Variants in NAALADL2 observed in about 807,000 individuals in gnomAD.
NAALADL2 encodes N-acetylated alpha-linked acidic dipeptidase like 2, also known as inactive N-acetylated-alpha-linked acidic dipeptidase-like protein 2.
NAALADL2 carries 76 observed loss-of-function variants against 87.2 expected under a neutral mutation model. That is an observed-to-expected ratio of 0.87 (90% CI 0.72 to 1.05). The LOEUF (loss-of-function observed/expected upper bound fraction) is 1.05. Ranked by LOEUF, NAALADL2 falls within the 50% of genes least tolerant of loss-of-function variation. The probability of loss-of-function intolerance (pLI) is 0.00; values close to 1 mark genes in which losing one functional copy is unlikely to be tolerated. For synonymous variants in NAALADL2, 354 were observed against 331.0 expected, an observed-to-expected ratio of 1.07 and a Z score of -0.75; for missense variants, 1,089 against 945.8, an observed-to-expected ratio of 1.15 and a Z score of -1.99.
Position 174,657,954 on chromosome 3 carries a change from A to T in NAALADL2, c.-114-79687A>T, listed in dbSNP as rs1393569903. ...TTTCCTCCATGTATTTTCATAGCTC[A>T]TTTCTTTTTAACGCCATCTAATTCA... On this transcript the variant is annotated intron_variant, in intron 2 of 3. Transcript: ENST00000434257. 2.6e-5 allele frequency among the ~76,000 whole-genome samples: 4 copies of T among 152,026 alleles called. No homozygotes were observed. In the East Asian group the frequency reaches 7.7e-4, roughly 29 times the overall value.
At position 174,743,734 on chromosome 3, in the gene NAALADL2, C is replaced by T. The variant is rs142146206; in HGVS notation, c.-9+5988C>T. ...TACTTTGAAAGTCAATTATGACTGG[C>T]CAATGTTTTGACACCTTTTCTACAG... On this transcript the variant is annotated intron_variant, in intron 3 of 3. Transcript: ENST00000434257. Among the ~76,000 whole-genome samples the T allele has an allele frequency of 4.6e-3, 702 of 151,810 alleles. 8 individuals carry two copies. Among genetic ancestry groups the T allele is most frequent in the African/African-American group, 0.016 (663 of 41,500 alleles).
chr3:174,536,509 C>G (rs755300419), intron 1 of NAALADL2: 9 of 152,126 alleles, frequency 5.9e-5, no homozygotes, highest in Non-Finnish European at 1.0e-4. Flanking sequence ...AGTGAGTGTA[C>G]TGCCAAAGAG....
intron 1 of NAALADL2, among the ~76,000 whole-genome samples, chr3:174,952,152 A>T (rs1040261015): frequency 6.6e-5 from 10 of 152,290 alleles, no homozygotes; most frequent in Admixed American, 5.9e-4. Flanking sequence ...CTAATTTGTG[A>T]TACCACTATG....
chr3:175,257,752 A>G (rs1454709025), intron 4 of NAALADL2, among the ~76,000 whole-genome samples: 1 of 152,192 alleles, frequency 6.6e-6, no homozygotes, highest in Non-Finnish European at 1.5e-5. Context: ...ATATTTAATG[A>G]CATGTAAAAA....
At chr3:174,782,765 A>C (rs554420701) in intron 3 of NAALADL2, among the ~76,000 whole-genome samples, 3 of 152,096 alleles carry the variant, frequency 2.0e-5, no homozygotes, top group South Asian at 2.1e-4. Flanking sequence ...GCAAAGGGGG[A>C]AAAGCCGCTT....
At chr3:175,431,058 A>G (rs1717670056) in intron 5 of NAALADL2, among the ~76,000 whole-genome samples, 2 of 152,122 alleles carry the variant, frequency 1.3e-5, no homozygotes, top group African/African-American at 4.8e-5. Context: ...TTGTACTGAA[A>G]AATGGATTCA....
chr3:174,761,410 CTT>C (rs1338523480), intron 3 of NAALADL2, among the ~76,000 whole-genome samples: 1 of 151,878 alleles, frequency 6.6e-6, no homozygotes, highest in African/African-American at 2.4e-5. Flanking sequence ...AATTTAATGT[CTT>C]ACAGTAGAAA....
intron 2 of NAALADL2, among the ~76,000 whole-genome samples, chr3:175,118,614 T>C (rs1725656799): frequency 6.6e-6 from 1 of 151,720 alleles, no homozygotes; most frequent in African/African-American, 2.4e-5. Context: ...GGTTGTCTCT[T>C]TTATTCAATA....
chr3:174,625,228 T>A (rs1362087589), intron 2 of NAALADL2, among the ~76,000 whole-genome samples: 1 of 151,922 alleles, frequency 6.6e-6, no homozygotes, highest in African/African-American at 2.4e-5. Context: ...CCAGCTAATT[T>A]TGGTATTTTA....
intron 3 of NAALADL2, among the ~76,000 whole-genome samples, chr3:174,749,064 G>T (rs1734564400): frequency 6.6e-6 from 1 of 152,056 alleles, no homozygotes; most frequent in African/African-American, 2.4e-5. Context: ...GCCTGTTTCA[G>T]CCAGGACTTA....
chr3:175,219,666 C>T, intron 2 of NAALADL2, among the ~76,000 whole-genome samples: 1 of 151,996 alleles, frequency 6.6e-6, no homozygotes, highest in East Asian at 1.9e-4. Context: ...TCTGAAATAT[C>T]ATTACATATG....
intron 5 of NAALADL2, among the ~76,000 whole-genome samples, chr3:175,342,973 C>A (rs1378439668): frequency 1.3e-5 from 2 of 151,828 alleles, no homozygotes; most frequent in East Asian, 3.9e-4. Context: ...TTTTAGATAC[C>A]CCAGATTGAA....
intron 10 of NAALADL2, among the ~76,000 whole-genome samples, chr3:175,577,466 A>G (rs1458304511): frequency 6.6e-6 from 1 of 152,158 alleles, no homozygotes; most frequent in Non-Finnish European, 1.5e-5. Flanking sequence ...CAGGCTGAGG[A>G]GGTGGAATTT....
chr3:175,580,826 T>A (rs867130478), intron 10 of NAALADL2, among the ~76,000 whole-genome samples: 2 of 152,136 alleles, frequency 1.3e-5, no homozygotes, highest in Admixed American at 1.3e-4. Flanking sequence ...TTGCTTCATT[T>A]AGTGCTGGGG....
At chr3:175,332,219 C>T (rs902668528) in intron 5 of NAALADL2, among the ~76,000 whole-genome samples, 13 of 152,070 alleles carry the variant, frequency 8.5e-5, no homozygotes, top group Non-Finnish European at 1.9e-4. Context: ...TTAGAAAAAA[C>T]AATTATAATA....
At position 175,225,125 on chromosome 3, in the gene NAALADL2, T is replaced by C. The variant is rs574938778; in HGVS notation, c.546-8806T>C. Among the ~76,000 whole-genome samples, 7 of 152,328 alleles carry C rather than the reference T, an allele frequency of 4.6e-5. No homozygotes were observed. The East Asian group carries it at 1.3e-3, about 29-fold the overall frequency. On this transcript the variant is annotated intron_variant, in intron 2 of 13. Transcript: ENST00000454872. ...AAATATTGTTCTGACATAATCATTA[T>C]AATTTATTGTTCTGGCATAATCTTA...
intron 1 of NAALADL2, among the ~76,000 whole-genome samples, chr3:175,003,304 G>A (rs951115582): frequency 3.3e-5 from 5 of 152,122 alleles, no homozygotes; most frequent in Non-Finnish European, 7.3e-5. Flanking sequence ...AATCACTGGA[G>A]GCCAGGAGTT....
At chr3:174,515,739 T>C (rs1247151578) in intron 1 of NAALADL2, among the ~76,000 whole-genome samples, 2 of 150,866 alleles carry the variant, frequency 1.3e-5, no homozygotes, top group Admixed American at 6.6e-5. Flanking sequence ...TAATATATAA[T>C]TGGATTGAAT....
chr3:175,730,561 G>C (rs1437158293), intron 11 of NAALADL2, among the ~76,000 whole-genome samples: 2 of 149,210 alleles, frequency 1.3e-5, no homozygotes, highest in Non-Finnish European at 3.0e-5. Flanking sequence ...TAACATTCTA[G>C]AATAAGTTTC....
Sources: gnomAD v4.1 joint callset for allele counts (sites outside exome capture counted in the v4.1 genomes callset) on GRCh38, gnomAD v4.1.1 for gene constraint, MANE v1.5 for transcripts, NCBI Gene and HGNC (gene_info 2026-07-23, HGNC 2026-07-21) for gene names.